The following TAOK1 variants were observed in gnomAD, a reference collection of about 807,000 sequenced individuals.
TAOK1 encodes serine/threonine-protein kinase TAO1.
A neutral mutation model predicts 138.3 loss-of-function variants in TAOK1; 21 were observed. The observed-to-expected ratio is 0.15, with a 90% CI of 0.11 to 0.22. The LOEUF (loss-of-function observed/expected upper bound fraction) is 0.22, where lower values mean the gene tolerates loss of function less well. Ranked by LOEUF, TAOK1 falls within the 10% of genes least tolerant of loss-of-function variation. The pLI is 1.00. For missense variants in TAOK1, 651 were observed against 1,227.7 expected (o/e 0.53, Z 7.02); for synonymous variants, 361 against 398.4 (o/e 0.91, Z 1.12).
At chr17:29,446,664 G>A (rs192883106) in intron 1 of TAOK1, among the ~76,000 whole-genome samples, 5 of 151,960 alleles carry the variant, frequency 3.3e-5, no homozygotes, top group Non-Finnish European at 5.9e-5. Context: ...ACCATGTAAC[G>A]ATGTTTTCAG....
intron 16 of TAOK1, among the ~76,000 whole-genome samples, chr17:29,520,670 C>A (rs1383177721): frequency 6.6e-6 from 1 of 151,650 alleles, no homozygotes; most frequent in Non-Finnish European, 1.5e-5. Flanking sequence ...CTGTCTCGGC[C>A]TCCCAGAGTG....
chr17:29,499,200 G>T (rs1283718809), intron 12 of TAOK1, among the ~76,000 whole-genome samples: 6 of 149,828 alleles, frequency 4.0e-5, no homozygotes, highest in Admixed American at 4.0e-4. Context: ...GATCAAAAGT[G>T]AATTTTATGT....
At position 29,522,480 on chromosome 17, in the gene TAOK1, G is replaced by C; in HGVS notation, c.2109G>C (p.Lys703Asn). The C allele has an allele frequency of 6.2e-7, 1 of 1,614,178 alleles. No individual in the cohort carries two copies. Among genetic ancestry groups the C allele is most frequent in the Non-Finnish European group, 8.5e-7 (1 of 1,180,034 alleles). ...GAAGAGAACGAGAACTAAGACGAAA[G>C]CATGTCATGGAAGTTCGACAACAGC... The part of the protein sequence containing the change: ...NKRRERELRR[K>N]HVMEVRQQPK... The change falls in exon 17 of 20, where the codon AAG becomes AAC. Residue 703 changes from lysine (K) to asparagine (N), a missense_variant. Physicochemically the swap from Lys to Asn is moderately conservative, Grantham distance 94. Around this residue, in one of 8 missense-constraint regions of TAOK1, gnomAD observed 258 missense variants for 548.9 expected, o/e 0.47. Coordinates refer to ENST00000261716, the MANE Select transcript of TAOK1 (RefSeq NM_020791.4).
At chr17:29,491,666 T>G (rs529549408) in intron 9 of TAOK1, 118 bp from the exon 10 acceptor site, 6 of 704,164 alleles carry the variant, frequency 8.5e-6, no homozygotes, top group African/African-American at 1.8e-5. Context: ...TAGTCTCTGC[T>G]TTTTTTTAAT....
chr17:29,490,798 G>A (rs1272823384), intron 9 of TAOK1, among the ~76,000 whole-genome samples: 1 of 152,128 alleles, frequency 6.6e-6, no homozygotes, highest in Non-Finnish European at 1.5e-5. Flanking sequence ...GCACTGGCAG[G>A]TTAGGACCTG....
intron 7 of TAOK1, among the ~76,000 whole-genome samples, chr17:29,481,233 G>A (rs982378318): frequency 6.8e-6 from 1 of 147,814 alleles, no homozygotes; most frequent in Admixed American, 6.8e-5. Context: ...TTGCTCTCTC[G>A]CCCAGGTTGG....
intron 2 of TAOK1, among the ~76,000 whole-genome samples, chr17:29,457,618 CTG>C (rs2030420170): frequency 1.3e-5 from 2 of 151,028 alleles, no homozygotes; most frequent in Non-Finnish European, 3.0e-5. Flanking sequence ...GTTGGCCAGG[CTG>C]GTCTTGAACT....
chr17:29,540,018 A>C (rs1469485153), intron 19 of TAOK1, among the ~76,000 whole-genome samples: 1 of 152,194 alleles, frequency 6.6e-6, no homozygotes, highest in African/African-American at 2.4e-5. Context: ...GGGAGATGGT[A>C]TAAAGAGTGC....
chr17:29,537,971 G>A (rs1181061123), intron 19 of TAOK1, among the ~76,000 whole-genome samples: 2 of 151,976 alleles, frequency 1.3e-5, no homozygotes, highest in Non-Finnish European at 2.9e-5. Flanking sequence ...AATTAGCTCG[G>A]CATGGTGGTG....
intron 3 of TAOK1, among the ~76,000 whole-genome samples, chr17:29,472,173 G>T (rs2030833673): frequency 6.6e-6 from 1 of 151,804 alleles, no homozygotes; most frequent in Admixed American, 6.6e-5. Flanking sequence ...CATCTAGAAT[G>T]AATTATTTCC....
intron 7 of TAOK1, among the ~76,000 whole-genome samples, chr17:29,481,646 T>C (rs1290464681): frequency 2.0e-5 from 3 of 152,042 alleles, no homozygotes; most frequent in African/African-American, 2.4e-5. Flanking sequence ...TACATGATAA[T>C]GATGGATAGT....
chr17:29,482,356 T>A, intron 8 of TAOK1, 68 bp downstream of exon 8: 1 of 1,218,272 alleles, frequency 8.2e-7, no homozygotes, highest in Non-Finnish European at 1.2e-6. Context: ...TCTGTACCAA[T>A]CTATAAAAAT....
chr17:29,528,031 T>C (rs868446993), intron 17 of TAOK1, among the ~76,000 whole-genome samples: 1 of 152,284 alleles, frequency 6.6e-6, no homozygotes, highest in South Asian at 2.1e-4. Context: ...AGTTTTGTTA[T>C]TTTGTTTGTT....
intron 2 of TAOK1, among the ~76,000 whole-genome samples, chr17:29,464,953 T>A (rs1307180933): frequency 6.6e-6 from 1 of 151,164 alleles, no homozygotes; most frequent in Admixed American, 6.6e-5. Context: ...CCCGAGTAGC[T>A]GGGACGACAG....
At chr17:29,397,664 G>GCATACATGAAT (rs1290681493) in intron 1 of TAOK1, among the ~76,000 whole-genome samples, 1 of 35,604 alleles carries the variant, frequency 2.8e-5, no homozygotes, top group African/African-American at 1.1e-4. Context: ...ATTCATGTAT[G>GCATACATGAAT]ATACATGTAT....
intron 1 of TAOK1, among the ~76,000 whole-genome samples, chr17:29,400,406 A>AAAC (rs1904804223): frequency 6.6e-6 from 1 of 151,708 alleles, no homozygotes; most frequent in African/African-American, 2.4e-5. Flanking sequence ...AAAAAAAAAA[A>AAAC]AACAACAAAT....
chr17:29,427,541 AAAAG>A (rs1177906966), intron 1 of TAOK1, among the ~76,000 whole-genome samples: 2 of 151,792 alleles, frequency 1.3e-5, no homozygotes, highest in East Asian at 1.9e-4. Context: ...AAAAAAAAAA[AAAAG>A]AAAGAAATGC....
intron 4 of TAOK1, among the ~76,000 whole-genome samples, 191 bp downstream of exon 4, chr17:29,475,962 C>G (rs1418161826): frequency 6.6e-6 from 1 of 152,220 alleles, no homozygotes; most frequent in Non-Finnish European, 1.5e-5. Context: ...TTGCAAGTCT[C>G]ACTGCAGAGA....
intron 1 of TAOK1, among the ~76,000 whole-genome samples, chr17:29,429,239 AAAG>A (rs1195088302): frequency 6.6e-6 from 1 of 152,142 alleles, no homozygotes; most frequent in Non-Finnish European, 1.5e-5. Flanking sequence ...GAAAAAGTGC[AAAG>A]AAGATAGTAC....
Sources: gnomAD v4.1 joint callset for allele counts (sites outside exome capture counted in the v4.1 genomes callset) on GRCh38, gnomAD v4.1.1 for gene constraint, gnomAD v4.1.1 regional missense constraint, MANE v1.5 for transcripts, NCBI Gene and HGNC (gene_info 2026-07-23, HGNC 2026-07-21) for gene names.